Variants in STK3 observed in about 807,000 individuals in gnomAD.
STK3 encodes serine/threonine kinase 3, also known as serine/threonine-protein kinase 3.
STK3 carries 41 observed loss-of-function variants against 58.0 expected under a neutral mutation model. The observed-to-expected ratio is 0.71, with a 90% confidence interval of 0.55 to 0.92. The LOEUF (loss-of-function observed/expected upper bound fraction) is 0.92. STK3 is among the 40% of genes least tolerant of loss of function. STK3 has a pLI of 0.00. For synonymous variants in STK3, 170 were observed against 191.0 expected (o/e 0.89, Z 0.91); for missense variants, 479 against 602.7 (o/e 0.79, Z 2.15).
intron 1 of STK3, chr8:98,904,763 TC>T: frequency 1.3e-6 from 1 of 747,272 alleles, no homozygotes; most frequent in Non-Finnish European, 2.3e-6. Context: ...ATGACGCGGT[TC>T]CACAATAGGA....
At chr8:98,608,714 G>C (rs1487507317) in intron 6 of STK3, among the ~76,000 whole-genome samples, 6 of 152,088 alleles carry the variant, frequency 3.9e-5, no homozygotes, top group Non-Finnish European at 8.8e-5. Context: ...AATATACCTG[G>C]TCCTTGCAAT....
intron 1 of STK3, among the ~76,000 whole-genome samples, chr8:98,818,546 G>A (rs1264777952): frequency 6.6e-6 from 1 of 151,014 alleles, no homozygotes; most frequent in Non-Finnish European, 1.5e-5. Context: ...AAATGTGTGT[G>A]TGTGTGTGTG....
intron 10 of STK3, among the ~76,000 whole-genome samples, chr8:98,498,486 A>C (rs1292848973): frequency 6.6e-6 from 1 of 152,192 alleles, no homozygotes; most frequent in African/African-American, 2.4e-5. Flanking sequence ...CCTGCCCTCC[A>C]AGAAATTTTG....
chr8:98,423,874 T>C (rs1818199183), intron 3 of STK3, among the ~76,000 whole-genome samples: 1 of 152,096 alleles, frequency 6.6e-6, no homozygotes, highest in Non-Finnish European at 1.5e-5. Flanking sequence ...GGTGCAAGGA[T>C]CTGGGCCACT....
intron 7 of STK3, among the ~76,000 whole-genome samples, chr8:98,586,623 G>C (rs1427380331): frequency 1.3e-5 from 2 of 150,910 alleles, no homozygotes; most frequent in African/African-American, 4.9e-5. Context: ...AAATGAGTTA[G>C]GGAGGATTCC....
intron 3 of STK3, among the ~76,000 whole-genome samples, chr8:98,841,805 C>A (rs971282087): frequency 1.3e-4 from 19 of 151,788 alleles, no homozygotes; most frequent in African/African-American, 4.3e-4. Context: ...ACAAGGTTGT[C>A]TACTGCAGAC....
In STK3 at chr8:98,719,259, G is replaced by A. The variant is rs149704074; in HGVS notation, c.352-11948C>T. Among the ~76,000 whole-genome samples, 619 of 152,260 alleles carry A rather than the reference G, an allele frequency of 4.1e-3. 3 individuals are homozygous for A. Among genetic ancestry groups the A allele is most frequent in the African/African-American group, 0.014 (595 of 41,540 alleles). On this transcript the variant is annotated intron_variant, in intron 4 of 10. Coordinates refer to ENST00000419617, the MANE Select transcript of STK3 (RefSeq NM_006281.4). ...AAAGCTTGGGGTGTTAATAAAGGCA[G>A]CATCAGCCCATAAAATTGTGTCTTA... is the stretch of plus-strand genomic sequence containing the variant.
chr8:98,672,208 A>G (rs974674800), intron 6 of STK3, among the ~76,000 whole-genome samples: 1 of 151,826 alleles, frequency 6.6e-6, no homozygotes, highest in Non-Finnish European at 1.5e-5. Context: ...CAGCCTCCCA[A>G]ATATGTAGAC....
chr8:98,353,529 A>G, the STK3 span, among the ~76,000 whole-genome samples: 1 of 152,196 alleles, frequency 6.6e-6, no homozygotes, highest in East Asian at 1.9e-4. Context: ...TATGAAACAT[A>G]AGTGAATTTT....
intron 2 of STK3, chr8:98,371,759 C>T (rs767804286): frequency 9.2e-5 from 14 of 152,204 alleles, no homozygotes; most frequent in Admixed American, 1.3e-4. Flanking sequence ...CTGGAACCTT[C>T]GTCTCAGTTG....
At chr8:98,776,821 G>A (rs187926613) in intron 1 of STK3, among the ~76,000 whole-genome samples, 1 of 151,928 alleles carries the variant, frequency 6.6e-6, no homozygotes, top group Non-Finnish European at 1.5e-5. Context: ...GAAGGCCGAG[G>A]CGGTGGATCA....
intron 6 of STK3, among the ~76,000 whole-genome samples, chr8:98,686,804 A>T (rs931859700): frequency 2.0e-5 from 3 of 152,224 alleles, no homozygotes; most frequent in African/African-American, 7.2e-5. Context: ...AGCCTTAACA[A>T]CAGACTAAAC....
chr8:98,413,751 C>G, intron 3 of STK3: 2 of 719,310 alleles, frequency 2.8e-6, no homozygotes, highest in South Asian at 1.4e-5. Flanking sequence ...CAGGTCATGC[C>G]TGACCCCATG....
intron 10 of STK3, among the ~76,000 whole-genome samples, chr8:98,477,901 G>C (rs2131262967): frequency 6.6e-6 from 1 of 152,188 alleles, no homozygotes; most frequent in Middle Eastern, 3.4e-3. Context: ...AGCATCCCCA[G>C]CGTCTATTCA....
At chr8:98,510,455 G>C (rs1824421956) in intron 10 of STK3, among the ~76,000 whole-genome samples, 1 of 129,044 alleles carries the variant, frequency 7.7e-6, no homozygotes, top group Non-Finnish European at 1.8e-5. Flanking sequence ...TGTAACATCA[G>C]AGGGTTTTTT....
intron 3 of STK3, among the ~76,000 whole-genome samples, chr8:98,853,082 A>G (rs1286126423): frequency 6.6e-6 from 1 of 152,042 alleles, no homozygotes; most frequent in Non-Finnish European, 1.5e-5. Flanking sequence ...TGTAGTTCTA[A>G]GGAATATGAA....
chr8:98,807,152 CAAAAAAAAA>C (rs1039866302), intron 1 of STK3, among the ~76,000 whole-genome samples: 1 of 55,244 alleles, frequency 1.8e-5, no homozygotes, highest in Non-Finnish European at 4.0e-5. Flanking sequence ...GACTCCGTCT[CAAAAAAAAA>C]AAAAAAAAAA....
intron 6 of STK3, among the ~76,000 whole-genome samples, chr8:98,688,450 C>G (rs538292963): frequency 6.6e-6 from 1 of 152,188 alleles, no homozygotes; most frequent in Admixed American, 6.5e-5. Flanking sequence ...AATACTCTAC[C>G]AAACAACCAC....
chr8:98,511,221 T>C (rs1824488720), intron 10 of STK3, among the ~76,000 whole-genome samples: 1 of 151,974 alleles, frequency 6.6e-6, no homozygotes. Context: ...TGCTTATTCA[T>C]ATTTTTTGAA....
Sources: gnomAD v4.1 joint callset for allele counts (sites outside exome capture counted in the v4.1 genomes callset) on GRCh38, gnomAD v4.1.1 for gene constraint, MANE v1.5 for transcripts, NCBI Gene and HGNC (gene_info 2026-07-23, HGNC 2026-07-21) for gene names.